Variants in OCA2 observed in about 807,000 individuals in gnomAD.
The protein encoded by OCA2 is P protein.
A neutral mutation model predicts 100.2 loss-of-function variants in OCA2; 77 were observed. The observed-to-expected ratio is 0.77, with a 90% CI of 0.64 to 0.93. The LOEUF (loss-of-function observed/expected upper bound fraction) is 0.93, where lower values mean the gene tolerates loss of function less well. Among genes scored for constraint, OCA2 ranks in the 40% least tolerant of loss-of-function variants. The probability of loss-of-function intolerance (pLI) is 0.00; values close to 1 mark genes in which losing one functional copy is unlikely to be tolerated. For synonymous variants in OCA2, 432 were observed against 439.2 expected (o/e 0.98, Z 0.21); for missense variants, 1,062 against 1,089.1 (o/e 0.98, Z 0.35).
intron 2 of OCA2, among the ~76,000 whole-genome samples, chr15:28,034,790 T>C (rs549006516): frequency 1.4e-5 from 2 of 146,392 alleles, no homozygotes; most frequent in Admixed American, 1.4e-4. Context: ...AACAAATACA[T>C]ACATACACAC....
chr15:27,893,847 T>C (rs1160987894), intron 19 of OCA2, among the ~76,000 whole-genome samples: 1 of 152,162 alleles, frequency 6.6e-6, no homozygotes, highest in East Asian at 1.9e-4. Flanking sequence ...TTTATGATCT[T>C]TGTTGGACCC....
At chr15:28,077,295 G>A (rs1057199205) in intron 2 of OCA2, among the ~76,000 whole-genome samples, 1 of 152,110 alleles carries the variant, frequency 6.6e-6, no homozygotes, top group Non-Finnish European at 1.5e-5. Flanking sequence ...CTGACCTCAG[G>A]TGATCCACCT....
chr15:27,921,100 A>G, intron 19 of OCA2, among the ~76,000 whole-genome samples: 1 of 152,150 alleles, frequency 6.6e-6, no homozygotes, highest in South Asian at 2.1e-4. Flanking sequence ...CTTAAAAGTT[A>G]AAACTTTCAA....
At chr15:27,811,116 A>G (rs2151218295) in intron 23 of OCA2, among the ~76,000 whole-genome samples, 2 of 152,300 alleles carry the variant, frequency 1.3e-5, no homozygotes, top group Admixed American at 1.3e-4. Context: ...TATGGAACCA[A>G]CCTAAGTGCC....
intron 2 of OCA2, among the ~76,000 whole-genome samples, chr15:28,062,657 A>G (rs1222381057): frequency 6.6e-6 from 1 of 152,060 alleles, no homozygotes; most frequent in Non-Finnish European, 1.5e-5. Context: ...ATTTATAACC[A>G]TGTTTTCTTC....
At chr15:27,800,635 A>T (rs2033556575) in intron 23 of OCA2, among the ~76,000 whole-genome samples, 1 of 152,212 alleles carries the variant, frequency 6.6e-6, no homozygotes, top group Non-Finnish European at 1.5e-5. Context: ...AGTTCACCCA[A>T]GAATAAAGAG....
chr15:27,997,601 T>C (rs1400021999), intron 9 of OCA2, among the ~76,000 whole-genome samples: 1 of 151,330 alleles, frequency 6.6e-6, no homozygotes, highest in East Asian at 1.9e-4. Context: ...TAGTTTGAAG[T>C]CAGGTAGCAT....
intron 3 of OCA2, among the ~76,000 whole-genome samples, chr15:28,031,391 G>A (rs1035860032): frequency 6.6e-6 from 1 of 152,208 alleles, no homozygotes; most frequent in African/African-American, 2.4e-5. Context: ...CATGGAGCAG[G>A]CGGCTCAGGC....
intron 23 of OCA2, among the ~76,000 whole-genome samples, chr15:27,842,119 C>A (rs1418920522): frequency 1.3e-5 from 2 of 152,156 alleles, no homozygotes; most frequent in Non-Finnish European, 2.9e-5. Flanking sequence ...TAAAATAAAC[C>A]AGGATACATC....
intron 23 of OCA2, among the ~76,000 whole-genome samples, chr15:27,787,588 A>G (rs1467188428): frequency 2.0e-5 from 3 of 151,900 alleles, no homozygotes; most frequent in Non-Finnish European, 4.4e-5. Context: ...GCTGGTAGTA[A>G]TGTCTCATCT....
chr15:27,943,760 T>A (rs1366633136), intron 18 of OCA2, among the ~76,000 whole-genome samples: 1 of 150,996 alleles, frequency 6.6e-6, no homozygotes, highest in African/African-American at 2.4e-5. Context: ...CTTTAGATAA[T>A]AACTCTTTCA....
At chr15:28,014,138 C>G (rs1453602638) in intron 9 of OCA2, among the ~76,000 whole-genome samples, 3 of 152,136 alleles carry the variant, frequency 2.0e-5, no homozygotes, top group Non-Finnish European at 4.4e-5. Flanking sequence ...GGCTCCTGTC[C>G]GTGTTGTGGT....
chr15:27,842,268 G>A (rs375840721), intron 23 of OCA2, among the ~76,000 whole-genome samples: 1 of 152,322 alleles, frequency 6.6e-6, no homozygotes, highest in South Asian at 2.1e-4. Flanking sequence ...ATCTATGGTA[G>A]GCAGGAAAAA....
chr15:27,891,023 C>CAAA (rs578093435), intron 19 of OCA2, among the ~76,000 whole-genome samples: 1 of 118,028 alleles, frequency 8.5e-6, no homozygotes, highest in African/African-American at 3.2e-5. Context: ...GACTCCATCT[C>CAAA]AAAAAAAAAA....
chr15:27,964,256 A>AG (rs2040493455), intron 15 of OCA2, among the ~76,000 whole-genome samples: 1 of 152,284 alleles, frequency 6.6e-6, no homozygotes, highest in Non-Finnish European at 1.5e-5. Context: ...ACAACAAAAA[A>AG]GACATTACAA....
At chr15:27,947,010 T>A (rs1347061318) in intron 18 of OCA2, among the ~76,000 whole-genome samples, 1 of 152,074 alleles carries the variant, frequency 6.6e-6, no homozygotes, top group Non-Finnish European at 1.5e-5. Flanking sequence ...CCCTGCTGGG[T>A]TTCCCACTCA....
At chr15:28,052,920 G>C (rs973729856) in intron 2 of OCA2, among the ~76,000 whole-genome samples, 1 of 152,198 alleles carries the variant, frequency 6.6e-6, no homozygotes, top group Admixed American at 6.5e-5. Flanking sequence ...CTGTGAGCAA[G>C]TATAACGCAA....
chr15:27,931,851 T>C (rs2039263315), intron 18 of OCA2, among the ~76,000 whole-genome samples: 1 of 152,210 alleles, frequency 6.6e-6, no homozygotes. Context: ...TACCCACTTG[T>C]CTACTTTTGC....
rs905791438 is a variant in OCA2, at chr15:27,871,343, G to A, written c.2140-85C>T. On this transcript the variant is annotated intron_variant, in intron 20 of 23. Coordinates refer to ENST00000354638, the MANE Select transcript of OCA2 (RefSeq NM_000275.3). ...CCAGCCGCGAGACTCAGAGGGGCCC[G>A]AGGGTGTTAGTCCTTCCTCTTACCC... 2.0e-5 allele frequency: 19 copies of A among 966,904 alleles called. No homozygotes were observed. In the African/African-American group the frequency reaches 2.4e-4, roughly 12 times the overall value. 59.9% of individuals were successfully genotyped at this position (966,904 alleles called of 1,614,324 possible).
Sources: allele counts gnomAD v4.1 joint callset (sites outside exome capture counted in the v4.1 genomes callset), GRCh38; gene constraint gnomAD v4.1.1; transcripts MANE v1.5; gene names NCBI Gene and HGNC (gene_info 2026-07-23, HGNC 2026-07-21).